Variants in EML4 observed in about 807,000 individuals in gnomAD.
EML4 encodes the protein EMAP like 4.
A neutral mutation model predicts 129.0 loss-of-function variants in EML4; 72 were observed. The ratio of observed to expected loss-of-function variants is 0.56; its 90% CI spans 0.46 to 0.68. EML4 has a LOEUF of 0.68. Among genes scored for constraint, EML4 ranks in the 30% least tolerant of loss-of-function variants. The probability of loss-of-function intolerance (pLI) is 0.00; values close to 1 mark genes in which losing one functional copy is unlikely to be tolerated. For missense variants in EML4, 1,363 were observed against 1,190.6 expected, an observed-to-expected ratio of 1.14 and a Z score of -2.13; for synonymous variants, 532 against 405.0, an observed-to-expected ratio of 1.31 and a Z score of -3.77.
chr2:42,170,316 T>C (rs1434711347), intron 1 of EML4: 1 of 152,262 alleles, frequency 6.6e-6, no homozygotes, highest in Admixed American at 6.5e-5. Context: ...GCATCTGTGT[T>C]GGGGGACCCT....
At chr2:42,282,148 C>T (rs1386157303) in intron 7 of EML4, among the ~76,000 whole-genome samples, 1 of 150,988 alleles carries the variant, frequency 6.6e-6, no homozygotes, top group Non-Finnish European at 1.5e-5. Flanking sequence ...CTTTTTTTTA[C>T]CCCCCCACGA....
chr2:42,313,734 C>T (rs963572819), intron 17 of EML4, among the ~76,000 whole-genome samples: 6 of 151,964 alleles, frequency 3.9e-5, no homozygotes, highest in African/African-American at 1.4e-4. Flanking sequence ...TCAAGACCAG[C>T]CTGATCAACA....
intron 1 of EML4, among the ~76,000 whole-genome samples, chr2:42,209,912 A>T (rs1306536772): frequency 6.6e-6 from 1 of 152,042 alleles, no homozygotes; most frequent in Non-Finnish European, 1.5e-5. Context: ...CTGGGCAACA[A>T]GGGCAAAACT....
intron 1 of EML4, among the ~76,000 whole-genome samples, chr2:42,241,369 T>C (rs1675020560): frequency 1.3e-5 from 2 of 152,210 alleles, no homozygotes; most frequent in South Asian, 4.1e-4. Flanking sequence ...GCCTTGGCTA[T>C]AGTGACCCTG....
At chr2:42,189,207 A>AT (rs1394962518) in intron 1 of EML4, among the ~76,000 whole-genome samples, 31 of 152,170 alleles carry the variant, frequency 2.0e-4, no homozygotes, top group African/African-American at 7.2e-4. Context: ...TTTCAGAGTT[A>AT]CTGTGGGGAG....
chr2:42,260,112 G>A (rs971062623), intron 3 of EML4, among the ~76,000 whole-genome samples: 1 of 151,166 alleles, frequency 6.6e-6, no homozygotes, highest in Non-Finnish European at 1.5e-5. Context: ...TAATCCTCCT[G>A]CCTTGGCCTC....
At chr2:42,184,773 T>A (rs1671148906) in intron 1 of EML4, among the ~76,000 whole-genome samples, 1 of 152,216 alleles carries the variant, frequency 6.6e-6, no homozygotes, top group Non-Finnish European at 1.5e-5. Flanking sequence ...CAGAGATCAA[T>A]CATATATTTG....
intron 1 of EML4, among the ~76,000 whole-genome samples, chr2:42,210,157 C>G (rs55788851): frequency 6.6e-6 from 1 of 151,958 alleles, no homozygotes; most frequent in Non-Finnish European, 1.5e-5. Flanking sequence ...TAGTTTTTAC[C>G]TAGTGCCTCT....
At chr2:42,316,953 G>T (rs530434333) in intron 18 of EML4, among the ~76,000 whole-genome samples, 45 of 152,196 alleles carry the variant, frequency 3.0e-4, no homozygotes, top group Non-Finnish European at 5.6e-4. Flanking sequence ...AAATATAGCT[G>T]TCGAATTCCA....
At chr2:42,244,316 C>A (rs1471554247) in intron 1 of EML4, among the ~76,000 whole-genome samples, 4 of 151,990 alleles carry the variant, frequency 2.6e-5, no homozygotes, top group African/African-American at 9.7e-5. Context: ...CCAGGATGGT[C>A]TCGATCTCCT....
chr2:42,257,122 A>ATG (rs375320805), intron 3 of EML4, among the ~76,000 whole-genome samples: 13 of 151,572 alleles, frequency 8.6e-5, no homozygotes, highest in African/African-American at 2.2e-4. Context: ...GTGGGGGTGT[A>ATG]TGTGTGTGTG....
At chr2:42,252,262 C>T (rs1675825485) in intron 2 of EML4, among the ~76,000 whole-genome samples, 1 of 152,120 alleles carries the variant, frequency 6.6e-6, no homozygotes, top group Non-Finnish European at 1.5e-5. Context: ...TTGAGTCTGT[C>T]ATTAAGGAGT....
intron 1 of EML4, among the ~76,000 whole-genome samples, chr2:42,209,591 A>G (rs1203994159): frequency 1.3e-5 from 2 of 152,156 alleles, no homozygotes; most frequent in East Asian, 1.9e-4. Flanking sequence ...TCTTAAAACT[A>G]TTACTATTTT....
In EML4 at chr2:42,293,592, A is replaced by G. The variant is rs150660675; in HGVS notation, c.1219-1533A>G. ...AAATTTATTATTTTTAACTCGGTTC[A>G]TAAGACTATCATCTTTATCTTGGTT... On this transcript the variant is annotated intron_variant, in intron 11 of 22. Transcript: ENST00000318522. Among the ~76,000 whole-genome samples the G allele has an allele frequency of 2.9e-3, 434 of 152,252 alleles. 1 individual carries two copies. Among genetic ancestry groups the G allele is most frequent in the Non-Finnish European group, 5.0e-3 (340 of 68,018 alleles).
chr2:42,251,925 C>T (rs1290379399), intron 2 of EML4, among the ~76,000 whole-genome samples: 3 of 152,168 alleles, frequency 2.0e-5, no homozygotes, highest in Non-Finnish European at 4.4e-5. Context: ...AAAGCAGGGA[C>T]AGTCACTAAC....
chr2:42,289,070 G>T (rs1043299601), intron 11 of EML4: 1 of 152,134 alleles, frequency 6.6e-6, no homozygotes, highest in Non-Finnish European at 1.5e-5. Context: ...AGCTTGTTGG[G>T]CAGAAAGATG....
intron 10 of EML4, among the ~76,000 whole-genome samples, chr2:42,287,111 A>G (rs1667349318): frequency 6.6e-6 from 1 of 152,156 alleles, no homozygotes; most frequent in Non-Finnish European, 1.5e-5. Context: ...TTATATATTC[A>G]TATTATCTCT....
At chr2:42,173,512 A>C (rs1000777114) in intron 1 of EML4, among the ~76,000 whole-genome samples, 5 of 152,170 alleles carry the variant, frequency 3.3e-5, no homozygotes, top group African/African-American at 1.2e-4. Flanking sequence ...GACAAGTAAA[A>C]GACATGCTTT....
intron 1 of EML4, among the ~76,000 whole-genome samples, chr2:42,191,405 G>C (rs987547741): frequency 1.3e-5 from 2 of 152,094 alleles, no homozygotes; most frequent in Admixed American, 6.6e-5. Context: ...CTCAACACTA[G>C]TTTGAGAAAT....
Sources: allele counts gnomAD v4.1 joint callset (sites outside exome capture counted in the v4.1 genomes callset), GRCh38; gene constraint gnomAD v4.1.1; transcripts MANE v1.5; gene names NCBI Gene and HGNC (gene_info 2026-07-23, HGNC 2026-07-21).